The following SLC24A3 variants were observed in gnomAD, a reference collection of about 807,000 sequenced individuals.
SLC24A3 encodes solute carrier family 24 member 3.
Under a neutral mutation model 75.8 loss-of-function variants are expected in SLC24A3, and 28 were observed. The observed-to-expected ratio is 0.37, with a 90% CI of 0.27 to 0.51. SLC24A3 has a LOEUF of 0.51. Among genes scored for constraint, SLC24A3 ranks in the 20% least tolerant of loss-of-function variants. SLC24A3 has a pLI of 0.94. For missense variants in SLC24A3, 663 were observed against 847.8 expected, an observed-to-expected ratio of 0.78 and a Z score of 2.71; for synonymous variants, 372 against 334.1, an observed-to-expected ratio of 1.11 and a Z score of -1.24.
intron 1 of SLC24A3, among the ~76,000 whole-genome samples, chr20:19,263,541 C>T (rs895875212): frequency 6.6e-6 from 1 of 152,168 alleles, no homozygotes; most frequent in Non-Finnish European, 1.5e-5. Flanking sequence ...ATATGCAAAG[C>T]AAGCCTCCCC....
chr20:19,477,238 A>C (rs1221937419), intron 2 of SLC24A3, among the ~76,000 whole-genome samples: 1 of 152,188 alleles, frequency 6.6e-6, no homozygotes, highest in African/African-American at 2.4e-5. Context: ...TGAAGCAAGC[A>C]GGAGATGGGC....
intron 1 of SLC24A3, among the ~76,000 whole-genome samples, chr20:19,274,308 A>G (rs1056385577): frequency 2.0e-5 from 3 of 151,920 alleles, no homozygotes; most frequent in African/African-American, 7.2e-5. Context: ...GACAATTTAA[A>G]CAGAACCTAT....
intron 2 of SLC24A3, among the ~76,000 whole-genome samples, chr20:19,304,805 G>C (rs374123823): frequency 2.2e-4 from 34 of 152,326 alleles, no homozygotes; most frequent in African/African-American, 7.9e-4. Flanking sequence ...AATTGTACAA[G>C]AGAGGAAAGG....
intron 3 of SLC24A3, among the ~76,000 whole-genome samples, chr20:19,571,289 C>A (rs557039865): frequency 2.6e-5 from 4 of 152,224 alleles, no homozygotes; most frequent in African/African-American, 7.2e-5. Flanking sequence ...AGCCCAGCTG[C>A]ACAAACCTTG....
chr20:19,616,256 C>T (rs574139520), intron 6 of SLC24A3, among the ~76,000 whole-genome samples: 12 of 152,196 alleles, frequency 7.9e-5, no homozygotes, highest in African/African-American at 2.9e-4. Flanking sequence ...GGCGAGGTAG[C>T]TCTCTGCAGC....
chr20:19,666,918 G>A (rs982024718), intron 8 of SLC24A3, among the ~76,000 whole-genome samples: 2 of 152,212 alleles, frequency 1.3e-5, no homozygotes, highest in African/African-American at 4.8e-5. Flanking sequence ...CGAGTGTATT[G>A]TGCATTCTCG....
At chr20:19,350,652 T>G (rs548338204) in intron 2 of SLC24A3, among the ~76,000 whole-genome samples, 2 of 152,326 alleles carry the variant, frequency 1.3e-5, no homozygotes, top group East Asian at 3.9e-4. Flanking sequence ...GAGAGGAAAC[T>G]GTTATGATCT....
At chr20:19,539,056 T>TA (rs2030451003) in intron 3 of SLC24A3, among the ~76,000 whole-genome samples, 1 of 152,174 alleles carries the variant, frequency 6.6e-6, no homozygotes. Flanking sequence ...CAGGCAAAAC[T>TA]AGTCAGTGGT....
intron 3 of SLC24A3, among the ~76,000 whole-genome samples, chr20:19,572,261 C>T (rs1433816695): frequency 5.3e-5 from 8 of 152,110 alleles, no homozygotes; most frequent in Non-Finnish European, 1.2e-4. Flanking sequence ...TGGGAGGATC[C>T]CTTGAGCTGA....
intron 2 of SLC24A3, among the ~76,000 whole-genome samples, chr20:19,346,040 C>A (rs1985388765): frequency 8.6e-6 from 1 of 116,350 alleles, no homozygotes; most frequent in African/African-American, 3.5e-5. Context: ...CCCAAATGCC[C>A]ATCAATCAAT....
At chr20:19,587,954 C>A (rs2031322210) in intron 6 of SLC24A3, among the ~76,000 whole-genome samples, 1 of 152,096 alleles carries the variant, frequency 6.6e-6, no homozygotes, top group South Asian at 2.1e-4. Context: ...GATAATTTGA[C>A]CAACTCATTG....
intron 2 of SLC24A3, among the ~76,000 whole-genome samples, chr20:19,395,104 T>C (rs1986431473): frequency 6.6e-6 from 1 of 152,164 alleles, no homozygotes; most frequent in East Asian, 1.9e-4. Context: ...ACAAATACTA[T>C]ATGGTGTAAC....
intron 3 of SLC24A3, among the ~76,000 whole-genome samples, chr20:19,572,106 A>C (rs937274725): frequency 1.4e-4 from 22 of 152,158 alleles, no homozygotes; most frequent in Non-Finnish European, 5.9e-5. Flanking sequence ...GAAGGCTGAG[A>C]GGGGAGGATC....
intron 3 of SLC24A3, among the ~76,000 whole-genome samples, chr20:19,542,444 C>A (rs1374568112): frequency 6.6e-6 from 1 of 152,106 alleles, no homozygotes; most frequent in East Asian, 1.9e-4. Context: ...GGTGAAATCA[C>A]CTGTGTTTTG....
At chr20:19,472,493 T>C (rs1246377130) in intron 2 of SLC24A3, among the ~76,000 whole-genome samples, 1 of 152,222 alleles carries the variant, frequency 6.6e-6, no homozygotes, top group African/African-American at 2.4e-5. Flanking sequence ...ACACTTCAGC[T>C]TCACACATGT....
At chr20:19,659,841 G>A (rs1203068112) in intron 7 of SLC24A3, among the ~76,000 whole-genome samples, 6 of 152,142 alleles carry the variant, frequency 3.9e-5, no homozygotes, top group Non-Finnish European at 8.8e-5. Flanking sequence ...TTAGAGACGA[G>A]GGTTACCTTC....
chr20:19,257,243 T>C (rs1318847957), intron 1 of SLC24A3, among the ~76,000 whole-genome samples: 1 of 152,218 alleles, frequency 6.6e-6, no homozygotes, highest in Non-Finnish European at 1.5e-5. Context: ...CCTGCCTCCG[T>C]AAGCAGCCTG....
intron 6 of SLC24A3, among the ~76,000 whole-genome samples, chr20:19,644,135 C>A (rs1035614260): frequency 6.6e-6 from 1 of 152,162 alleles, no homozygotes; most frequent in Non-Finnish European, 1.5e-5. Context: ...TTCTAACTTG[C>A]AGCTTCAGCC....
intron 6 of SLC24A3, among the ~76,000 whole-genome samples, chr20:19,596,239 T>TTCCTACC: frequency 6.6e-6 from 1 of 152,152 alleles, no homozygotes; most frequent in Non-Finnish European, 1.5e-5. Flanking sequence ...GTGGTAAGAC[T>TTCCTACC]TGAGTGGCGT....
Sources: allele counts gnomAD v4.1 joint callset (sites outside exome capture counted in the v4.1 genomes callset), GRCh38; gene constraint gnomAD v4.1.1; transcripts MANE v1.5; gene names NCBI Gene and HGNC (gene_info 2026-07-23, HGNC 2026-07-21).